Variants in SLC8A1 observed in about 807,000 individuals in gnomAD.
The protein encoded by SLC8A1 is solute carrier family 8 member A1, also known as sodium/calcium exchanger 1.
Under a neutral mutation model 68.3 loss-of-function variants are expected in SLC8A1, and 18 were observed. The observed-to-expected ratio is 0.26, with a 90% CI of 0.18 to 0.39. The LOEUF (loss-of-function observed/expected upper bound fraction) is 0.39, where lower values mean the gene tolerates loss of function less well. Ranked by LOEUF, SLC8A1 falls within the 10% of genes least tolerant of loss-of-function variation. SLC8A1 has a pLI of 1.00. For missense variants in SLC8A1, 985 were observed against 1,156.7 expected (o/e 0.85, Z 2.15); for synonymous variants, 475 against 415.5 (o/e 1.14, Z -1.74).
chr2:40,451,737 TCACACACACACACACACACACACACACA>T (rs756970142), intron 1 of SLC8A1, among the ~76,000 whole-genome samples, 139 bp downstream of exon 1: 5 of 133,664 alleles, frequency 3.7e-5, no homozygotes, highest in Admixed American at 7.5e-5. Flanking sequence ...ACACACCACA[TCACACACACACACACACACACACACACA>T]CACACACACA....
chr2:40,328,683 C>T (rs1180039310), intron 2 of SLC8A1, among the ~76,000 whole-genome samples: 1 of 152,168 alleles, frequency 6.6e-6, no homozygotes, highest in Non-Finnish European at 1.5e-5. Context: ...CACCACAGTT[C>T]GCAAGCGTGT....
chr2:40,258,767 T>C (rs911889075), intron 2 of SLC8A1, among the ~76,000 whole-genome samples: 5 of 151,708 alleles, frequency 3.3e-5, no homozygotes, highest in Non-Finnish European at 7.4e-5. Flanking sequence ...ACTTGAACCC[T>C]GGAGGCAGAG....
chr2:40,409,467 A>G lies in SLC8A1; in HGVS notation c.1808+19006T>C, dbSNP rs115189996. Among the ~76,000 whole-genome samples, 851 of 152,232 alleles carry G rather than the reference A, an allele frequency of 5.6e-3. 9 individuals carry two copies. The highest frequency in any genetic ancestry group is 0.02 in the African/African-American group (817 of 41,542). On this transcript the variant is annotated intron_variant, in intron 2 of 7. Transcript: ENST00000406785. Reference sequence around the variant, plus strand: ...GGACAGAAATAAATTTGAACCCCCAAAGATTCTTAAATTCACAAATAATCA... The same window carrying G: ...GGACAGAAATAAATTTGAACCCCCAGAGATTCTTAAATTCACAAATAATCA...
chr2:40,473,721 T>G (rs1411788726), intron 1 of SLC8A1, among the ~76,000 whole-genome samples: 1 of 152,148 alleles, frequency 6.6e-6, no homozygotes, highest in Non-Finnish European at 1.5e-5. Context: ...ATGAGATGGG[T>G]AAGAAACAGA....
At chr2:40,115,502 G>A in exon 8 of SLC8A1, 1 of 1,614,246 alleles carries the variant, frequency 6.2e-7, no homozygotes, top group Non-Finnish European at 8.5e-7. Flanking sequence ...CTGCGTGGTA[G>A]ATGGCAGCGA....
chr2:40,436,677 C>G (rs562421121), intron 1 of SLC8A1, among the ~76,000 whole-genome samples: 17 of 152,162 alleles, frequency 1.1e-4, no homozygotes, highest in Non-Finnish European at 2.1e-4. Flanking sequence ...TCAAGCACAA[C>G]AAAAATCACC....
intron 2 of SLC8A1, among the ~76,000 whole-genome samples, chr2:40,366,400 A>C (rs549230875): frequency 6.6e-6 from 1 of 152,212 alleles, no homozygotes; most frequent in East Asian, 1.9e-4. Context: ...CACCAGAAAA[A>C]TAAGAATATA....
At chr2:40,402,716 C>A (rs893629410) in intron 2 of SLC8A1, among the ~76,000 whole-genome samples, 1 of 152,202 alleles carries the variant, frequency 6.6e-6, no homozygotes, top group African/African-American at 2.4e-5. Context: ...AAACTCTTCA[C>A]CACGTCTTTC....
At chr2:40,405,292 A>T (rs1325910277) in intron 2 of SLC8A1, among the ~76,000 whole-genome samples, 1 of 152,230 alleles carries the variant, frequency 6.6e-6, no homozygotes, top group Non-Finnish European at 1.5e-5. Context: ...GGAGACATAC[A>T]CCTACAATTG....
chr2:40,370,028 T>G (rs969489913), intron 2 of SLC8A1, among the ~76,000 whole-genome samples: 2 of 152,158 alleles, frequency 1.3e-5, no homozygotes, highest in African/African-American at 4.8e-5. Flanking sequence ...CTGTAAAATC[T>G]TATCTGTTGC....
At chr2:40,488,513 G>C (rs1463853162) in intron 1 of SLC8A1, among the ~76,000 whole-genome samples, 3 of 152,054 alleles carry the variant, frequency 2.0e-5, no homozygotes, top group Middle Eastern at 3.4e-3. Flanking sequence ...AGCACGTGGA[G>C]AAAATGAACA....
chr2:40,314,277 A>C lies in SLC8A1; in HGVS notation c.1808+114196T>G, dbSNP rs1247180616. Among the ~76,000 whole-genome samples, 36 of 152,066 alleles carry C rather than the reference A, an allele frequency of 2.4e-4. 1 individual carries two copies. The highest frequency in any genetic ancestry group is 4.1e-4 in the Non-Finnish European group (28 of 67,962). Reference sequence around the variant, plus strand: ...CAGAATTGCCTTGTATTTTTGTTAGAATAACAACAACAACAAAATCCAAAA... The same window carrying C: ...CAGAATTGCCTTGTATTTTTGTTAGCATAACAACAACAACAAAATCCAAAA... On this transcript the variant is annotated intron_variant, in intron 2 of 7. Coordinates refer to ENST00000406785, the Ensembl canonical transcript of SLC8A1.
intron 2 of SLC8A1, among the ~76,000 whole-genome samples, chr2:40,410,274 A>G (rs1691700316): frequency 6.6e-6 from 1 of 152,120 alleles, no homozygotes; most frequent in Non-Finnish European, 1.5e-5. Flanking sequence ...GACTTACCAG[A>G]AATACCAGCA....
chr2:40,212,233 C>T (rs553943540), intron 2 of SLC8A1, among the ~76,000 whole-genome samples: 13 of 148,210 alleles, frequency 8.8e-5, no homozygotes, highest in East Asian at 3.9e-4. Context: ...CTCATTCTGG[C>T]GACTTATCTG....
At chr2:40,233,912 T>A (rs1315581012) in intron 2 of SLC8A1, among the ~76,000 whole-genome samples, 1 of 151,732 alleles carries the variant, frequency 6.6e-6, no homozygotes, top group South Asian at 2.1e-4. Context: ...GTTGTAGATA[T>A]GCGGCATTAT....
intron 2 of SLC8A1, among the ~76,000 whole-genome samples, chr2:40,395,629 A>C (rs1443307758): frequency 6.6e-6 from 1 of 152,140 alleles, no homozygotes; most frequent in Admixed American, 6.5e-5. Flanking sequence ...TTACTGTTCT[A>C]AGAGAGGAAA....
chr2:40,152,867 C>A (rs2043713433), intron 6 of SLC8A1, among the ~76,000 whole-genome samples: 1 of 152,020 alleles, frequency 6.6e-6, no homozygotes, highest in Non-Finnish European at 1.5e-5. Context: ...GAGGGTGACA[C>A]TGGAGGATCA....
intron 2 of SLC8A1, among the ~76,000 whole-genome samples, chr2:40,395,856 A>G (rs1408513492): frequency 1.3e-5 from 2 of 152,154 alleles, no homozygotes; most frequent in African/African-American, 4.8e-5. Context: ...GCTCTAAATA[A>G]AAACAGATGA....
At chr2:40,165,331 T>A (rs112265804) in intron 4 of SLC8A1, among the ~76,000 whole-genome samples, 1 of 152,194 alleles carries the variant, frequency 6.6e-6, no homozygotes, top group Non-Finnish European at 1.5e-5. Context: ...CTCAGTTGGC[T>A]GTTTGTACAC....
Sources: allele counts gnomAD v4.1 joint callset (sites outside exome capture counted in the v4.1 genomes callset), GRCh38; gene constraint gnomAD v4.1.1; transcripts MANE v1.5; gene names NCBI Gene and HGNC (gene_info 2026-07-23, HGNC 2026-07-21).